The following SUGCT variants were observed in gnomAD, a reference collection of about 807,000 sequenced individuals.
SUGCT encodes the protein succinyl-CoA:glutarate CoA-transferase.
Under a neutral mutation model 55.0 loss-of-function variants are expected in SUGCT, and 41 were observed. The ratio of observed to expected loss-of-function variants is 0.74; its 90% CI spans 0.58 to 0.97. The LOEUF is 0.97. Among genes scored for constraint, SUGCT ranks in the 50% least tolerant of loss-of-function variants. The pLI is 0.00. For missense variants in SUGCT, 568 were observed against 547.8 expected, an observed-to-expected ratio of 1.04 and a Z score of -0.37; for synonymous variants, 187 against 200.4, an observed-to-expected ratio of 0.93 and a Z score of 0.56.
chr7:40,921,871 G>T, the SUGCT span, among the ~76,000 whole-genome samples: 87 of 152,290 alleles, frequency 5.7e-4, no homozygotes, highest in African/African-American at 1.5e-3. Context: ...CAATAGGGAG[G>T]TGGCAGTTCC....
chr7:40,818,197 G>A (rs1791776377), intron 13 of SUGCT, among the ~76,000 whole-genome samples: 1 of 152,180 alleles, frequency 6.6e-6, no homozygotes, highest in African/African-American at 2.4e-5. Context: ...GTGCACCCTG[G>A]TCTGTCTACA....
the SUGCT span, among the ~76,000 whole-genome samples, chr7:40,968,846 C>T: frequency 1.3e-5 from 2 of 152,174 alleles, no homozygotes; most frequent in Admixed American, 1.3e-4. Flanking sequence ...ACTCTTCCTC[C>T]ACATGGCACC....
intron 8 of SUGCT, among the ~76,000 whole-genome samples, chr7:40,283,938 G>GTT (rs1359073924): frequency 6.6e-6 from 1 of 152,122 alleles, no homozygotes; most frequent in African/African-American, 2.4e-5. Flanking sequence ...AAAGAAATGT[G>GTT]TTATATATAT....
intron 9 of SUGCT, among the ~76,000 whole-genome samples, chr7:40,415,102 ATCTAT>A (rs1786916203): frequency 2.1e-5 from 3 of 143,090 alleles, no homozygotes; most frequent in Middle Eastern, 3.6e-3. Context: ...CTATCTATCT[ATCTAT>A]CTATCTATAT....
intron 6 of SUGCT, among the ~76,000 whole-genome samples, chr7:40,227,860 TTATTTATTTATTTATA>T (rs1485558765): frequency 3.4e-5 from 5 of 147,338 alleles, no homozygotes; most frequent in South Asian, 2.1e-4. Context: ...TATTTATTTG[TTATTTATTTATTTATA>T]TATTTATTTA....
chr7:40,695,276 C>A (rs902893596), intron 12 of SUGCT, among the ~76,000 whole-genome samples: 2 of 151,556 alleles, frequency 1.3e-5, no homozygotes, highest in Non-Finnish European at 2.9e-5. Context: ...TGGCTCACTG[C>A]AGCTTTGACT....
At chr7:40,582,512 T>C (rs1797157953) in intron 12 of SUGCT, among the ~76,000 whole-genome samples, 1 of 152,206 alleles carries the variant, frequency 6.6e-6, no homozygotes, top group African/African-American at 2.4e-5. Flanking sequence ...ATAATTTGGG[T>C]ATTTGATAAT....
At chr7:40,840,506 T>TAAATGA (rs928829392) in intron 13 of SUGCT, among the ~76,000 whole-genome samples, 8 of 149,490 alleles carry the variant, frequency 5.4e-5, no homozygotes, top group Non-Finnish European at 1.0e-4. Flanking sequence ...TTCAATCAAC[T>TAAATGA]AAATGAAAAT....
At chr7:40,815,921 G>A (rs1791648892) in intron 13 of SUGCT, among the ~76,000 whole-genome samples, 1 of 152,204 alleles carries the variant, frequency 6.6e-6, no homozygotes, top group African/African-American at 2.4e-5. Flanking sequence ...AACCACACAA[G>A]TGGGTGCTCC....
At chr7:40,697,596 C>A (rs1784991188) in intron 12 of SUGCT, among the ~76,000 whole-genome samples, 1 of 152,166 alleles carries the variant, frequency 6.6e-6, no homozygotes, top group African/African-American at 2.4e-5. Flanking sequence ...CAAGGTCATG[C>A]CACTGCACTC....
chr7:40,203,268 C>A (rs912584722), intron 6 of SUGCT, among the ~76,000 whole-genome samples: 3 of 152,194 alleles, frequency 2.0e-5, no homozygotes, highest in African/African-American at 7.2e-5. Context: ...AAACTGGTTT[C>A]ATAATCTTTT....
chr7:40,236,289 C>T (rs1453757942), intron 6 of SUGCT, among the ~76,000 whole-genome samples: 9 of 151,482 alleles, frequency 5.9e-5, no homozygotes, highest in Admixed American at 3.3e-4. Context: ...AACTCTTGAC[C>T]GCAGGTGATC....
chr7:40,142,780 C>A (rs1003796244), intron 1 of SUGCT, among the ~76,000 whole-genome samples: 3 of 152,190 alleles, frequency 2.0e-5, no homozygotes, highest in Non-Finnish European at 2.9e-5. Flanking sequence ...GATACAAACT[C>A]CTCCTCTTTC....
At chr7:40,390,912 C>T (rs2151301119) in intron 9 of SUGCT, among the ~76,000 whole-genome samples, 1 of 152,330 alleles carries the variant, frequency 6.6e-6, no homozygotes, top group African/African-American at 2.4e-5. Context: ...ACCAAAACAG[C>T]ATGGTACTGG....
chr7:40,708,784 C>A (rs1309732891), intron 12 of SUGCT, among the ~76,000 whole-genome samples: 1 of 152,072 alleles, frequency 6.6e-6, no homozygotes, highest in Non-Finnish European at 1.5e-5. Context: ...CACTCCCCAA[C>A]CCCCACCCCC....
chr7:40,157,244 C>T (rs1385744915), intron 1 of SUGCT, among the ~76,000 whole-genome samples: 1 of 152,002 alleles, frequency 6.6e-6, no homozygotes, highest in Non-Finnish European at 1.5e-5. Flanking sequence ...TCCCAGGGAT[C>T]TTCCCCTTTT....
intron 10 of SUGCT, among the ~76,000 whole-genome samples, chr7:40,456,966 G>A (rs938598698): frequency 6.6e-5 from 10 of 152,022 alleles, no homozygotes; most frequent in Non-Finnish European, 1.5e-4. Context: ...TAGATGATAG[G>A]CATGTTAAAA....
In SUGCT at chr7:40,330,373, C is replaced by T. The variant is rs1409227203; in HGVS notation, c.816+13518C>T. 3.3e-5 allele frequency among the ~76,000 whole-genome samples: 5 copies of T among 152,120 alleles called. No individual in the cohort carries two copies. The East Asian group carries it at 5.8e-4, about 18-fold the overall frequency. ...GTAATATCCTGAGGGAGAAGATATA[C>T]ATTTAGAGATGTATGAGGTTCCTAG... is the stretch of plus-strand genomic sequence containing the variant. On this transcript the variant is annotated intron_variant, in intron 9 of 13. Coordinates refer to ENST00000335693, the MANE Select transcript of SUGCT (RefSeq NM_001193313.2).
intron 13 of SUGCT, among the ~76,000 whole-genome samples, chr7:40,788,131 G>T (rs771547975): frequency 3.3e-5 from 5 of 152,142 alleles, no homozygotes; most frequent in Admixed American, 3.3e-4. Flanking sequence ...TTCCACCCCT[G>T]CCCAGTAGTA....
Sources: allele counts gnomAD v4.1 joint callset (sites outside exome capture counted in the v4.1 genomes callset), GRCh38; gene constraint gnomAD v4.1.1; transcripts MANE v1.5; gene names NCBI Gene and HGNC (gene_info 2026-07-23, HGNC 2026-07-21).